C12orf50: variants seen among roughly 807,000 people sequenced by gnomAD.
C12orf50 encodes the protein zinc finger CCCH-type containing 11D.
A neutral mutation model predicts 61.6 loss-of-function variants in C12orf50; 35 were observed. That is an observed-to-expected ratio of 0.57 (90% CI 0.43 to 0.75). C12orf50 has a LOEUF of 0.75. Ranked by LOEUF, C12orf50 falls within the 30% of genes least tolerant of loss-of-function variation. C12orf50 has a pLI of 0.00. For synonymous variants in C12orf50, 178 were observed against 161.5 expected, an observed-to-expected ratio of 1.10 and a Z score of -0.77; for missense variants, 475 against 488.5, an observed-to-expected ratio of 0.97 and a Z score of 0.26.
intron 3 of C12orf50, among the ~76,000 whole-genome samples, chr12:88,012,718 C>T (rs751955068): frequency 6.6e-6 from 1 of 152,112 alleles, no homozygotes; most frequent in Admixed American, 6.5e-5. Context: ...ATGAACAAAT[C>T]CCCAATTTAA....
chr12:87,983,233 T>C (rs1308476850), intron 11 of C12orf50, 38 bp from the exon 12 acceptor site: 1 of 1,363,414 alleles, frequency 7.3e-7, no homozygotes, highest in African/African-American at 1.5e-5. Flanking sequence ...ATTTTATAAC[T>C]TTAAAATCAT....
chr12:87,983,106 G>C lies in C12orf50; in HGVS notation c.1216C>G (p.Pro406Ala). ...KTYSKSEKIY[P>A]EPRRNGSK ...AAAACCACTTATAAATAGTTACCTG[G>C]ATATATCTTTTCACTTTTTGAATAT... is the stretch of plus-strand genomic sequence containing the variant. The change falls in exon 12 of 13, where the codon CCA becomes GCA. Residue 406 changes from proline to alanine, a missense_variant. By Grantham distance (27) the Pro-to-Ala change is conservative. Transcript: ENST00000298699. 2.6e-6 allele frequency: 4 copies of C among 1,558,590 alleles called. No individual in the cohort carries two copies. The highest frequency in any genetic ancestry group is 1.4e-5 in the African/African-American group (1 of 73,546).
At chr12:88,021,323 C>A (rs1197121983) in intron 3 of C12orf50, among the ~76,000 whole-genome samples, 1 of 151,562 alleles carries the variant, frequency 6.6e-6, no homozygotes, top group Non-Finnish European at 1.5e-5. Context: ...AAGAGAAGAT[C>A]CAAGTAAACA....
rs779587765 is a variant in C12orf50, at chr12:87,996,356, T to C, written c.481+18A>G. On this transcript the variant is annotated intron_variant, in intron 6 of 12. Coordinates refer to ENST00000298699, the MANE Select transcript of C12orf50 (RefSeq NM_152589.3). The stretch of plus-strand genomic sequence containing the variant: ...ATATGTTATAGATCACTATGAATGC[T>C]GCCTTTTCATTTCTTACCTTCTTGC... 7 of 1,511,870 alleles carry C rather than the reference T, an allele frequency of 4.6e-6. No individual in the cohort carries two copies. The African/African-American group carries it at 9.6e-5, about 21-fold the overall frequency. The allele number at this position is 1,511,870 out of a possible 1,614,324, so 93.7% of individuals were successfully genotyped here.
chr12:88,012,618 C>A (rs1649364737), intron 3 of C12orf50, among the ~76,000 whole-genome samples: 1 of 152,176 alleles, frequency 6.6e-6, no homozygotes, highest in Non-Finnish European at 1.5e-5. Flanking sequence ...CTATACAACA[C>A]TTGTGTAAAT....
At chr12:88,023,654 G>A (rs2032601239) in intron 3 of C12orf50, among the ~76,000 whole-genome samples, 2 of 144,966 alleles carry the variant, frequency 1.4e-5, no homozygotes, top group Non-Finnish European at 3.0e-5. Flanking sequence ...GCAACAGAGT[G>A]AGACTCCATC....
chr12:88,006,905 C>T (rs1390329135), intron 3 of C12orf50, among the ~76,000 whole-genome samples: 1 of 152,138 alleles, frequency 6.6e-6, no homozygotes, highest in Non-Finnish European at 1.5e-5. Flanking sequence ...GTGGTGGTTC[C>T]AATACAACTG....
At chr12:88,014,451 G>A (rs1169422928) in intron 3 of C12orf50, among the ~76,000 whole-genome samples, 2 of 152,038 alleles carry the variant, frequency 1.3e-5, no homozygotes, top group Non-Finnish European at 2.9e-5. Flanking sequence ...ACAGGCATCT[G>A]CCACTACGTC....
intron 11 of C12orf50, chr12:87,984,523 C>G (rs899433636): frequency 1.3e-5 from 2 of 152,110 alleles, no homozygotes; most frequent in Non-Finnish European, 2.9e-5. Context: ...GAAGTGACTT[C>G]CATGTTCGCA....
chr12:88,009,583 A>G (rs1384360009), intron 3 of C12orf50, among the ~76,000 whole-genome samples: 1 of 152,114 alleles, frequency 6.6e-6, no homozygotes, highest in Admixed American at 6.6e-5. Context: ...TTCTATTAGA[A>G]TCTAGTAGGT....
In C12orf50 at chr12:87,995,720, C is replaced by A. The variant is rs73207035; in HGVS notation, c.481+654G>T. ...TTCTTCTCTGAGCAGTGCTGGCCTG[C>A]AATCTGTCCTTCCCTATATGGTTCC... On this transcript the variant is annotated intron_variant, in intron 6 of 12. Transcript: ENST00000298699. Among the ~76,000 whole-genome samples, 524 of 152,278 alleles carry A rather than the reference C, an allele frequency of 3.4e-3. 2 individuals are homozygous for A. Among genetic ancestry groups the A allele is most frequent in the Non-Finnish European group, 5.8e-3 (393 of 68,030 alleles).
Position 87,982,166 on chromosome 12 carries a change from A to G in C12orf50, c.1219+937T>C, listed in dbSNP as rs986788011. Among the ~76,000 whole-genome samples, 30 of 152,156 alleles carry G rather than the reference A, an allele frequency of 2.0e-4. 1 individual carries two copies. In the East Asian group the frequency reaches 5.4e-3, roughly 28 times the overall value. On this transcript the variant is annotated intron_variant, in intron 12 of 12. Coordinates refer to ENST00000298699, the MANE Select transcript of C12orf50 (RefSeq NM_152589.3). ...AGGAGAAAAGGCTATAGAGCTCAAC[A>G]ATTTCAAGTTTCACCCAGGATTTTC...
At chr12:87,995,454 G>A (rs756309033) in intron 6 of C12orf50, among the ~76,000 whole-genome samples, 11 of 152,150 alleles carry the variant, frequency 7.2e-5, no homozygotes, top group Non-Finnish European at 1.6e-4. Flanking sequence ...GAACAATTCA[G>A]AAGATTATAA....
intron 6 of C12orf50, among the ~76,000 whole-genome samples, 156 bp from the exon 7 acceptor site, chr12:87,994,899 G>A (rs1017471576): frequency 6.6e-6 from 1 of 152,126 alleles, no homozygotes; most frequent in Non-Finnish European, 1.5e-5. Context: ...ATAAATACAT[G>A]AGTTTTAAAT....
chr12:87,989,225 C>T, intron 8 of C12orf50, 39 bp downstream of exon 8: 1 of 1,444,874 alleles, frequency 6.9e-7, no homozygotes, highest in Non-Finnish European at 9.5e-7. Context: ...CTTGCCTAGC[C>T]AAATTACAAA....
In C12orf50 at chr12:87,987,980, T is replaced by C; in HGVS notation, c.701-14A>G. 1 of 1,510,582 alleles carries C rather than the reference T, an allele frequency of 6.6e-7. No homozygotes were observed. Among genetic ancestry groups the C allele is most frequent in the Non-Finnish European group, 9.1e-7 (1 of 1,098,976 alleles). The allele number at this position is 1,510,582 out of a possible 1,614,324, so 93.6% of individuals were successfully genotyped here. ...TGTCCTTGTTATCTTTTAAAGCAAA[T>C]TAAGAAAATAAAATGTCAATATTAG... is the stretch of plus-strand genomic sequence containing the variant. On this transcript the variant is annotated splice_polypyrimidine_tract_variant and intron_variant, in intron 8 of 12. Transcript: ENST00000298699.
chr12:87,996,641 A>G lies in C12orf50; in HGVS notation c.295T>C (p.Ser99Pro). The change falls in exon 5 of 13, where the codon TCT becomes CCT. Residue 99 changes from serine (S) to proline (P), a missense_variant. Physicochemically the swap from Ser to Pro is moderately conservative, Grantham distance 74. Coordinates refer to ENST00000298699, the MANE Select transcript of C12orf50 (RefSeq NM_152589.3). ...TCAGGGGTCTTTGTCCATAAACTAG[A>G]AGCATCTATAGGATATAGATTTTTT... ...EEEVDEQNDA[S>P]SLWTKTPEEI... is the part of the protein sequence containing the mutation. The G allele has an allele frequency of 6.2e-7, 1 of 1,600,388 alleles. No individual in the cohort carries two copies. The highest frequency in any genetic ancestry group is 1.7e-5 in the Admixed American group (1 of 59,938).
rs919223891 is a variant in C12orf50, at chr12:87,997,922, C to T, written c.289+113G>A. 6.9e-6 allele frequency: 5 copies of T among 720,230 alleles called. No homozygotes were observed. In the Admixed American group the frequency reaches 1.7e-4, roughly 25 times the overall value. The allele number at this position is 720,230 out of a possible 1,614,324, so 44.6% of individuals were successfully genotyped here. A position where few individuals can be genotyped will look rare whatever the true frequency, so the allele number is the denominator to read the frequency against. On this transcript the variant is annotated intron_variant, in intron 4 of 12. Coordinates refer to ENST00000298699, the MANE Select transcript of C12orf50 (RefSeq NM_152589.3). Reference sequence around the variant, plus strand: ...AGTTTAATACAATTATAGTTATTTTCTCAGCAAAATCTGCCTTATATATTA... The same window carrying T: ...AGTTTAATACAATTATAGTTATTTTTTCAGCAAAATCTGCCTTATATATTA...
chr12:87,989,565 T>C (rs1023728389), intron 7 of C12orf50, among the ~76,000 whole-genome samples, 194 bp from the exon 8 acceptor site: 8 of 152,278 alleles, frequency 5.3e-5, no homozygotes, highest in East Asian at 1.9e-4. Context: ...TATATGAATA[T>C]GCAGTATGTA....
Sources: allele counts gnomAD v4.1 joint callset (sites outside exome capture counted in the v4.1 genomes callset), GRCh38; gene constraint gnomAD v4.1.1; transcripts MANE v1.5; gene names NCBI Gene and HGNC (gene_info 2026-07-23, HGNC 2026-07-21).